The following TENM3 variants were observed in gnomAD, a reference collection of about 807,000 sequenced individuals.
The protein encoded by TENM3 is teneurin transmembrane protein 3, also known as teneurin-3.
In TENM3, 63 loss-of-function variants were observed where a neutral mutation model predicts 255.1. The observed-to-expected ratio is 0.25, with a 90% CI of 0.20 to 0.30. TENM3 has a LOEUF of 0.30. TENM3 is among the 10% of genes least tolerant of loss of function. The pLI is 1.00. For synonymous variants in TENM3, 1,306 were observed against 1,322.3 expected, an observed-to-expected ratio of 0.99 and a Z score of 0.27; for missense variants, 2,929 against 3,461.1, an observed-to-expected ratio of 0.85 and a Z score of 3.86.
chr4:181,952,775 T>A, the TENM3 span, among the ~76,000 whole-genome samples: 1 of 152,234 alleles, frequency 6.6e-6, no homozygotes, highest in Non-Finnish European at 1.5e-5. Flanking sequence ...GGAGATCAGT[T>A]GAGCTTGCAC....
chr4:181,722,922 A>G, the TENM3 span, among the ~76,000 whole-genome samples: 1 of 152,076 alleles, frequency 6.6e-6, no homozygotes, highest in Non-Finnish European at 1.5e-5. Context: ...GTCTAGAAGG[A>G]CCACAATGGG....
the TENM3 span, among the ~76,000 whole-genome samples, chr4:181,741,938 CAAACCTCAGT>C: frequency 6.6e-6 from 1 of 152,194 alleles, no homozygotes; most frequent in Admixed American, 6.5e-5. Flanking sequence ...ATAATATCAT[CAAACCTCAGT>C]AAACTCTTCT....
chr4:182,687,721 T>A lies in TENM3; in HGVS notation c.2036-445T>A, dbSNP rs1196566993. Among the ~76,000 whole-genome samples the A allele has an allele frequency of 2.6e-5, 4 of 152,050 alleles. No homozygotes were observed. In the East Asian group the frequency reaches 7.7e-4, roughly 29 times the overall value. Reference sequence around the variant, plus strand: ...GCATTAGAAACAACCCCATTTCAAATTCTTGCCATATGTATGAAATCCAAG... The same window carrying A: ...GCATTAGAAACAACCCCATTTCAAAATCTTGCCATATGTATGAAATCCAAG... On this transcript the variant is annotated intron_variant, in intron 11 of 27. Coordinates refer to ENST00000511685, the MANE Select transcript of TENM3 (RefSeq NM_001080477.4).
chr4:182,022,669 A>G, the TENM3 span, among the ~76,000 whole-genome samples: 10 of 152,200 alleles, frequency 6.6e-5, no homozygotes, highest in African/African-American at 2.4e-4. Flanking sequence ...TCCTGCCGTA[A>G]TTTTCCCAAT....
chr4:181,909,527 G>A, the TENM3 span, among the ~76,000 whole-genome samples: 1 of 152,146 alleles, frequency 6.6e-6, no homozygotes, highest in Non-Finnish European at 1.5e-5. Flanking sequence ...CAGACGTGGT[G>A]ACTCAGCCCG....
chr4:182,219,766 C>G (rs1030260047), intron 1 of TENM3, among the ~76,000 whole-genome samples: 2 of 152,182 alleles, frequency 1.3e-5, no homozygotes, highest in Non-Finnish European at 2.9e-5. Flanking sequence ...ATAATTGTTT[C>G]AGTTTACATT....
At chr4:182,426,437 T>C (rs1198133896) in intron 3 of TENM3, among the ~76,000 whole-genome samples, 1 of 152,204 alleles carries the variant, frequency 6.6e-6, no homozygotes, top group Non-Finnish European at 1.5e-5. Context: ...GACGGAGGAC[T>C]GCCATTCCAT....
intron 3 of TENM3, among the ~76,000 whole-genome samples, chr4:182,375,487 C>G (rs1767112203): frequency 6.6e-6 from 1 of 152,140 alleles, no homozygotes; most frequent in Non-Finnish European, 1.5e-5. Flanking sequence ...TTTGTATTCT[C>G]TGACCTTTTG....
the TENM3 span, among the ~76,000 whole-genome samples, chr4:181,722,625 A>G: frequency 6.6e-6 from 1 of 152,208 alleles, no homozygotes; most frequent in East Asian, 1.9e-4. Context: ...AACATGGAAA[A>G]TACAGAAAAG....
intron 5 of TENM3, among the ~76,000 whole-genome samples, chr4:182,634,158 A>G (rs923865197): frequency 5.9e-5 from 9 of 152,144 alleles, no homozygotes; most frequent in East Asian, 3.9e-4. Context: ...ACACTGTCCA[A>G]TTTAGTAGCC....
chr4:182,123,704 G>A, the TENM3 span, among the ~76,000 whole-genome samples: 2 of 152,192 alleles, frequency 1.3e-5, no homozygotes, highest in African/African-American at 2.4e-5. Flanking sequence ...AATGTGAAAT[G>A]TTGCTATAAT....
At chr4:182,398,584 C>T (rs141110803) in intron 3 of TENM3, among the ~76,000 whole-genome samples, 88 of 152,188 alleles carry the variant, frequency 5.8e-4, no homozygotes, top group Non-Finnish European at 1.1e-3. Flanking sequence ...AGGAATGAGT[C>T]GCATGCAGAT....
the TENM3 span, among the ~76,000 whole-genome samples, chr4:182,091,591 A>G: frequency 6.6e-6 from 1 of 152,218 alleles, no homozygotes; most frequent in African/African-American, 2.4e-5. Context: ...GCCAGGAAAG[A>G]GCAGGATGGC....
chr4:181,927,502 A>G, the TENM3 span, among the ~76,000 whole-genome samples: 1 of 152,224 alleles, frequency 6.6e-6, no homozygotes, highest in African/African-American at 2.4e-5. Flanking sequence ...GGCATCTCTG[A>G]AAGAAAGGCA....
the TENM3 span, among the ~76,000 whole-genome samples, chr4:181,904,754 T>C: frequency 6.6e-6 from 1 of 152,152 alleles, no homozygotes; most frequent in African/African-American, 2.4e-5. Context: ...CCAAGCTATA[T>C]AAAATAGTGA....
chr4:182,790,835 A>G (rs993001104), intron 25 of TENM3, among the ~76,000 whole-genome samples: 1 of 152,148 alleles, frequency 6.6e-6, no homozygotes, highest in African/African-American at 2.4e-5. Flanking sequence ...GGCACTGGGA[A>G]ATGTTTAGAG....
the TENM3 span, among the ~76,000 whole-genome samples, chr4:182,076,970 A>G: frequency 6.6e-6 from 1 of 152,312 alleles, no homozygotes; most frequent in South Asian, 2.1e-4. Context: ...TAGATAATAA[A>G]TGTTCATTAG....
chr4:182,095,417 T>C, the TENM3 span, among the ~76,000 whole-genome samples: 1 of 152,214 alleles, frequency 6.6e-6, no homozygotes, highest in African/African-American at 2.4e-5. Flanking sequence ...CTAAAGGACA[T>C]TTTGTTAAGT....
chr4:182,188,076 T>G (rs1288024689), intron 1 of TENM3, among the ~76,000 whole-genome samples: 1 of 152,144 alleles, frequency 6.6e-6, no homozygotes. Flanking sequence ...TTTGAAGGTC[T>G]CAATAATTTG....
Sources: allele counts gnomAD v4.1 joint callset (sites outside exome capture counted in the v4.1 genomes callset), GRCh38; gene constraint gnomAD v4.1.1; transcripts MANE v1.5; gene names NCBI Gene and HGNC (gene_info 2026-07-23, HGNC 2026-07-21).